Variants in NIPBL observed in about 807,000 individuals in gnomAD.
The protein encoded by NIPBL is NIPBL cohesin loading factor, also known as nipped-B-like protein.
NIPBL carries 19 observed loss-of-function variants against 321.8 expected under a neutral mutation model. That is an observed-to-expected ratio of 0.06 (90% CI 0.04 to 0.09). NIPBL has a LOEUF of 0.09. Ranked by LOEUF, NIPBL falls within the 10% of genes least tolerant of loss-of-function variation. The probability of loss-of-function intolerance (pLI) is 1.00; values close to 1 mark genes in which losing one functional copy is unlikely to be tolerated. For missense variants in NIPBL, 2,210 were observed against 3,327.0 expected (o/e 0.66, Z 8.26); for synonymous variants, 1,106 against 1,114.1 (o/e 0.99, Z 0.14).
At chr5:37,022,426 A>C (rs1561172543) in intron 29 of NIPBL, 36 bp downstream of exon 29, 20 of 1,568,308 alleles carry the variant, frequency 1.3e-5, no homozygotes, top group Non-Finnish European at 1.6e-5. Flanking sequence ...TCGTGAATAT[A>C]ATTTTGCCTT....
intron 18 of NIPBL, 128 bp from the exon 19 acceptor site, chr5:37,007,876 TTAGG>T: frequency 1.5e-6 from 1 of 686,314 alleles, no homozygotes; most frequent in Non-Finnish European, 2.7e-6. Flanking sequence ...TAGATGCTGA[TTAGG>T]TGGGGAAAAG....
At chr5:37,017,797 G>A (rs1322549806) in intron 24 of NIPBL, among the ~76,000 whole-genome samples, 2 of 151,418 alleles carry the variant, frequency 1.3e-5, no homozygotes, top group African/African-American at 4.9e-5. Flanking sequence ...TTCGTGTTTT[G>A]AAATAATCTC....
At chr5:36,943,959 T>C (rs1739388433) in intron 1 of NIPBL, among the ~76,000 whole-genome samples, 1 of 152,052 alleles carries the variant, frequency 6.6e-6, no homozygotes, top group Admixed American at 6.6e-5. Context: ...GGCAAGATAT[T>C]TGGTGGAATG....
chr5:36,880,691 C>T (rs1250194784), intron 1 of NIPBL, among the ~76,000 whole-genome samples: 3 of 151,948 alleles, frequency 2.0e-5, no homozygotes, highest in African/African-American at 7.2e-5. Flanking sequence ...CTTATATAGC[C>T]TTTAAAAATT....
At chr5:37,035,940 A>T (rs533881637) in intron 32 of NIPBL, among the ~76,000 whole-genome samples, 1 of 152,200 alleles carries the variant, frequency 6.6e-6, no homozygotes, top group Non-Finnish European at 1.5e-5. Flanking sequence ...ATAATGCAGA[A>T]AAGAAATCTA....
intron 1 of NIPBL, among the ~76,000 whole-genome samples, chr5:36,888,357 C>T (rs1746071748): frequency 2.0e-5 from 3 of 152,028 alleles, no homozygotes; most frequent in Admixed American, 2.0e-4. Context: ...CATTTTTTAA[C>T]TCATTTTTTA....
chr5:36,938,314 C>G (rs1738677810), intron 1 of NIPBL, among the ~76,000 whole-genome samples: 1 of 151,784 alleles, frequency 6.6e-6, no homozygotes, highest in Non-Finnish European at 1.5e-5. Flanking sequence ...TTAAATGGTT[C>G]AGGGAGGCAC....
intron 20 of NIPBL, among the ~76,000 whole-genome samples, 188 bp downstream of exon 20, chr5:37,008,911 T>C (rs890047585): frequency 6.6e-6 from 1 of 152,196 alleles, no homozygotes; most frequent in African/African-American, 2.4e-5. Context: ...AAAACTTCAC[T>C]GATTCTCAAG....
intron 1 of NIPBL, among the ~76,000 whole-genome samples, chr5:36,901,902 T>C (rs1264091886): frequency 6.6e-6 from 1 of 152,186 alleles, no homozygotes; most frequent in African/African-American, 2.4e-5. Flanking sequence ...CTTTTCTCCA[T>C]TGCCTCACTA....
intron 34 of NIPBL, 131 bp from the exon 35 acceptor site, chr5:37,044,216 C>CTT: frequency 1.3e-6 from 1 of 799,758 alleles, no homozygotes; most frequent in South Asian, 1.8e-5. Flanking sequence ...AAAAAAAACT[C>CTT]TAACAGACTT....
intron 27 of NIPBL, 54 bp downstream of exon 27, chr5:37,020,931 T>A (rs1749554103): frequency 8.7e-7 from 1 of 1,153,696 alleles, no homozygotes; most frequent in Non-Finnish European, 1.3e-6. Context: ...TGATTCTGGA[T>A]GCTTGTGAGC....
Position 36,977,810 on chromosome 5 carries a change from G to A in NIPBL, c.1495+1408G>A, listed in dbSNP as rs764089460. The stretch of plus-strand genomic sequence containing the variant: ...GTCTGTTGTTTCTAACTTTATGTCC[G>A]TGTGTACCCATTGTTGAATTCCCAC... On this transcript the variant is annotated intron_variant, in intron 9 of 46. Transcript: ENST00000282516. Among the ~76,000 whole-genome samples, 47 of 151,560 alleles carry A rather than the reference G, an allele frequency of 3.1e-4. 1 individual carries two copies. Among genetic ancestry groups the A allele is most frequent in the Admixed American group, 1.1e-3 (17 of 15,178 alleles).
chr5:36,885,914 G>A (rs540515432), intron 1 of NIPBL: 10 of 737,714 alleles, frequency 1.4e-5, no homozygotes, highest in Non-Finnish European at 2.0e-5. Context: ...CGTGAAGGTA[G>A]ATGCTCCCAA....
Position 36,976,013 on chromosome 5 carries a change from A to G in NIPBL, c.1106A>G (p.Asp369Gly), listed in dbSNP as rs1743398123. ...TLRLSRVRSS[D>G]MDQQEDMISG... ...AGACTTTCTCGTGTAAGGTCTTCAG[A>G]CATGGACCAGCAAGAGGATATGATT... Residue 369 changes from aspartate to glycine, a missense_variant, in exon 9 of 47, where the codon GAC becomes GGC. Physicochemically the swap from Asp to Gly is moderately conservative, Grantham distance 94. Transcript: ENST00000282516. The G allele has an allele frequency of 6.2e-7, 1 of 1,614,098 alleles. No individual in the cohort carries two copies. Among genetic ancestry groups the G allele is most frequent in the Non-Finnish European group, 8.5e-7 (1 of 1,179,958 alleles).
intron 1 of NIPBL, among the ~76,000 whole-genome samples, chr5:36,938,959 G>C (rs994191086): frequency 4.6e-5 from 7 of 151,428 alleles, no homozygotes; most frequent in African/African-American, 1.7e-4. Flanking sequence ...TTCTATCACT[G>C]TAAACACTAC....
chr5:36,887,142 C>T (rs979825070), intron 1 of NIPBL, among the ~76,000 whole-genome samples: 4 of 152,078 alleles, frequency 2.6e-5, no homozygotes, highest in Non-Finnish European at 5.9e-5. Context: ...CAAATCTAGT[C>T]TAATAGACAT....
chr5:36,997,519 A>G (rs1413834921), intron 11 of NIPBL, among the ~76,000 whole-genome samples: 1 of 152,136 alleles, frequency 6.6e-6, no homozygotes, highest in African/African-American at 2.4e-5. Context: ...TTATGGAGGC[A>G]CATAGCTTCG....
intron 1 of NIPBL, among the ~76,000 whole-genome samples, chr5:36,933,916 T>C (rs1749967924): frequency 7.0e-6 from 1 of 142,098 alleles, no homozygotes; most frequent in African/African-American, 2.9e-5. Flanking sequence ...TTAATAAGAG[T>C]ATGGGGGGGT....
At chr5:37,053,713 C>A (rs953630048) in intron 42 of NIPBL, among the ~76,000 whole-genome samples, 14 of 152,274 alleles carry the variant, frequency 9.2e-5, no homozygotes, top group Non-Finnish European at 1.5e-4. Context: ...TTGGCCAGGA[C>A]CATAGGCCAA....
Sources: allele counts gnomAD v4.1 joint callset (sites outside exome capture counted in the v4.1 genomes callset), GRCh38; gene constraint gnomAD v4.1.1; transcripts MANE v1.5; gene names NCBI Gene and HGNC (gene_info 2026-07-23, HGNC 2026-07-21).